XRCC4: variants seen among roughly 807,000 people sequenced by gnomAD.
The protein encoded by XRCC4 is DNA repair protein XRCC4.
XRCC4 carries 28 observed loss-of-function variants against 39.1 expected under a neutral mutation model. The observed-to-expected ratio is 0.72, with a 90% CI of 0.53 to 0.98. The LOEUF is 0.98. Among genes scored for constraint, XRCC4 ranks in the 50% least tolerant of loss-of-function variants. The probability of loss-of-function intolerance (pLI) is 0.00; values close to 1 mark genes in which losing one functional copy is unlikely to be tolerated. For synonymous variants in XRCC4, 123 were observed against 126.4 expected (o/e 0.97, Z 0.18); for missense variants, 350 against 376.4 (o/e 0.93, Z 0.58).
intron 3 of XRCC4, among the ~76,000 whole-genome samples, chr5:83,194,353 C>G (rs1179888382): frequency 6.6e-6 from 1 of 152,162 alleles, no homozygotes; most frequent in African/African-American, 2.4e-5. Context: ...ATAGGTAAAA[C>G]TTTCTTATTT....
chr5:83,087,806 T>A (rs1420360952), intron 1 of XRCC4, among the ~76,000 whole-genome samples: 1 of 152,198 alleles, frequency 6.6e-6, no homozygotes, highest in Non-Finnish European at 1.5e-5. Flanking sequence ...GTATGTCTCT[T>A]CTTTATTTGG....
the XRCC4 span, among the ~76,000 whole-genome samples, chr5:83,362,804 T>C: frequency 3.3e-5 from 5 of 152,184 alleles, no homozygotes; most frequent in African/African-American, 1.2e-4. Context: ...GTATCAATAA[T>C]CTTATTTATT....
At chr5:83,354,860 G>A (rs1261723468), downstream of XRCC4, among the ~76,000 whole-genome samples, 2 of 152,020 alleles carry the variant, frequency 1.3e-5, no homozygotes, top group African/African-American at 2.4e-5. Context: ...AGCTGCTGCA[G>A]CTACACTCCT....
intron 3 of XRCC4, among the ~76,000 whole-genome samples, chr5:83,129,889 A>G (rs1010738668): frequency 4.6e-5 from 7 of 152,082 alleles, no homozygotes; most frequent in Non-Finnish European, 1.0e-4. Flanking sequence ...GGGTTTTCTA[A>G]ATATACAATC....
chr5:83,106,555 A>C (rs1244396328), intron 2 of XRCC4, among the ~76,000 whole-genome samples: 1 of 151,998 alleles, frequency 6.6e-6, no homozygotes, highest in South Asian at 2.1e-4. Context: ...TGTTATTTGA[A>C]ATTTTTTAAT....
intron 2 of XRCC4, among the ~76,000 whole-genome samples, chr5:83,109,569 A>G (rs1334210285): frequency 6.6e-6 from 1 of 151,966 alleles, no homozygotes; most frequent in Non-Finnish European, 1.5e-5. Context: ...CATTCCAACA[A>G]ATAACGAGAT....
intron 7 of XRCC4, among the ~76,000 whole-genome samples, chr5:83,289,438 G>T (rs1186045757): frequency 6.6e-6 from 1 of 151,860 alleles, no homozygotes; most frequent in African/African-American, 2.4e-5. Flanking sequence ...TTTAATGTTT[G>T]TTGTAGCTGT....
At chr5:83,184,237 T>C (rs1310249142) in intron 3 of XRCC4, among the ~76,000 whole-genome samples, 1 of 152,126 alleles carries the variant, frequency 6.6e-6, no homozygotes, top group Non-Finnish European at 1.5e-5. Flanking sequence ...CTTATTTTTA[T>C]GATTTTCAAA....
intron 7 of XRCC4, among the ~76,000 whole-genome samples, chr5:83,278,227 G>T (rs1754403787): frequency 6.6e-6 from 1 of 152,162 alleles, no homozygotes. Flanking sequence ...GTACTAACCA[G>T]ATTGAAGCGG....
At chr5:83,149,362 G>GT (rs917527166) in intron 3 of XRCC4, among the ~76,000 whole-genome samples, 59 of 148,058 alleles carry the variant, frequency 4.0e-4, no homozygotes, top group Admixed American at 9.4e-4. Context: ...CAATATTTAG[G>GT]TTTTTTTTTT....
chr5:83,251,908 G>A (rs887773487), intron 6 of XRCC4, among the ~76,000 whole-genome samples: 1 of 152,182 alleles, frequency 6.6e-6, no homozygotes, highest in African/African-American at 2.4e-5. Context: ...CTTGTAAGAT[G>A]GTCGTCAGTT....
rs535637077 is a variant in XRCC4, at chr5:83,089,041, C to T, written c.-11+11426C>T. Among the ~76,000 whole-genome samples, 4 of 152,276 alleles carry T rather than the reference C, an allele frequency of 2.6e-5. No homozygotes were observed. The East Asian group carries it at 5.8e-4, about 22-fold the overall frequency. On this transcript the variant is annotated intron_variant, in intron 1 of 7. Transcript: ENST00000396027. ...AAAGATACTCTTTTAGCTGTGTGAC[C>T]TTGTTTCACTGCTGCCTGCTGGAGG... is the stretch of plus-strand genomic sequence containing the variant.
At chr5:83,332,270 A>ACACAC in intron 7 of XRCC4, among the ~76,000 whole-genome samples, 1 of 128,684 alleles carries the variant, frequency 7.8e-6, no homozygotes, top group African/African-American at 3.0e-5. Flanking sequence ...CACACACAGA[A>ACACAC]AGAGAGAGAG....
intron 7 of XRCC4, among the ~76,000 whole-genome samples, chr5:83,271,160 T>C (rs1292742776): frequency 6.6e-6 from 1 of 152,180 alleles, no homozygotes; most frequent in Non-Finnish European, 1.5e-5. Context: ...TTATTTTACT[T>C]AATTGCTTAC....
At chr5:83,231,824 G>A (rs1752506066) in intron 6 of XRCC4, among the ~76,000 whole-genome samples, 1 of 151,962 alleles carries the variant, frequency 6.6e-6, no homozygotes, top group East Asian at 1.9e-4. Context: ...ACTGTTCTTT[G>A]GCTGGTGTGC....
At chr5:83,080,541 AAT>A (rs1187402715) in intron 1 of XRCC4, among the ~76,000 whole-genome samples, 1 of 144,322 alleles carries the variant, frequency 6.9e-6, no homozygotes, top group Admixed American at 6.8e-5. Context: ...AAAAAAAAAA[AAT>A]TCCAGAAATA....
intron 7 of XRCC4, among the ~76,000 whole-genome samples, chr5:83,322,933 C>T (rs115263536): frequency 2.1e-3 from 327 of 152,220 alleles, no homozygotes; most frequent in African/African-American, 7.6e-3. Flanking sequence ...GGTAATTTGT[C>T]ACAGCAGTCA....
At chr5:83,228,670 C>T (rs1394828817) in intron 6 of XRCC4, among the ~76,000 whole-genome samples, 4 of 151,998 alleles carry the variant, frequency 2.6e-5, no homozygotes, top group Admixed American at 2.6e-4. Context: ...CTGATAGTTA[C>T]ATGCAACATG....
At chr5:83,118,069 CACACACACATAT>C (rs1391586064) in intron 3 of XRCC4, among the ~76,000 whole-genome samples, 71 of 113,024 alleles carry the variant, frequency 6.3e-4, no homozygotes, top group African/African-American at 2.6e-3. Context: ...CACACACACA[CACACACACATAT>C]GTATATAGTG....
Sources: allele counts gnomAD v4.1 joint callset (sites outside exome capture counted in the v4.1 genomes callset), GRCh38; gene constraint gnomAD v4.1.1; transcripts MANE v1.5; gene names NCBI Gene and HGNC (gene_info 2026-07-23, HGNC 2026-07-21).